KIAA1217: variants seen among roughly 807,000 people sequenced by gnomAD.
The protein encoded by KIAA1217 is sickle tail protein homolog.
KIAA1217 carries 88 observed loss-of-function variants against 163.9 expected under a neutral mutation model. That is an observed-to-expected ratio of 0.54 (90% CI 0.45 to 0.64). KIAA1217 has a LOEUF of 0.64. Ranked by LOEUF, KIAA1217 falls within the 30% of genes least tolerant of loss-of-function variation. The pLI, the probability that KIAA1217 is intolerant of heterozygous loss-of-function variation, is 0.00. For missense variants in KIAA1217, 2,372 were observed against 2,475.0 expected, an observed-to-expected ratio of 0.96 and a Z score of 0.88; for synonymous variants, 903 against 923.1, an observed-to-expected ratio of 0.98 and a Z score of 0.39.
intron 2 of KIAA1217, among the ~76,000 whole-genome samples, chr10:24,174,746 G>T (rs1459183602): frequency 6.6e-6 from 1 of 152,140 alleles, no homozygotes; most frequent in Non-Finnish European, 1.5e-5. Flanking sequence ...TAGGTTGTGG[G>T]GGAGCAGGTG....
At chr10:24,350,355 G>A (rs2048307683) in intron 2 of KIAA1217, among the ~76,000 whole-genome samples, 1 of 152,140 alleles carries the variant, frequency 6.6e-6, no homozygotes, top group Admixed American at 6.5e-5. Flanking sequence ...AGGAGGGGAG[G>A]CAGTCTGGTT....
intron 2 of KIAA1217, among the ~76,000 whole-genome samples, chr10:24,247,556 G>A (rs774867073): frequency 6.6e-5 from 10 of 152,192 alleles, no homozygotes; most frequent in Non-Finnish European, 1.2e-4. Context: ...CAGCACTTTG[G>A]GAGGCCAAGG....
chr10:24,112,588 A>T (rs551092863), intron 2 of KIAA1217, among the ~76,000 whole-genome samples: 274 of 151,190 alleles, frequency 1.8e-3, no homozygotes, highest in African/African-American at 4.0e-3. Flanking sequence ...TTTTTATTTT[A>T]TTTTATTTTT....
chr10:23,929,005 C>G (rs1358209809), intron 1 of KIAA1217, among the ~76,000 whole-genome samples: 1 of 152,114 alleles, frequency 6.6e-6, no homozygotes, highest in Admixed American at 6.6e-5. Flanking sequence ...CGTACACAAG[C>G]TTGGCATGAT....
chr10:24,231,394 C>A (rs1338900208), intron 2 of KIAA1217, among the ~76,000 whole-genome samples: 3 of 152,156 alleles, frequency 2.0e-5, no homozygotes, highest in Admixed American at 6.5e-5. Flanking sequence ...TGAGAAAAAA[C>A]CATTTTCAGA....
intron 1 of KIAA1217, among the ~76,000 whole-genome samples, chr10:23,748,645 T>C (rs1839558692): frequency 6.6e-6 from 1 of 151,880 alleles, no homozygotes; most frequent in Admixed American, 6.6e-5. Flanking sequence ...ATTTGCTTAT[T>C]TGCCTGCAAC....
chr10:23,800,926 A>G (rs1014844276), intron 1 of KIAA1217, among the ~76,000 whole-genome samples: 1 of 152,174 alleles, frequency 6.6e-6, no homozygotes, highest in African/African-American at 2.4e-5. Flanking sequence ...GCAATTTCTC[A>G]AGGATCTAGA....
chr10:24,344,366 T>C (rs933751846), intron 2 of KIAA1217, among the ~76,000 whole-genome samples: 1 of 152,230 alleles, frequency 6.6e-6, no homozygotes, highest in Non-Finnish European at 1.5e-5. Flanking sequence ...TTTTAGAATG[T>C]GGCACATCGA....
intron 1 of KIAA1217, among the ~76,000 whole-genome samples, chr10:23,766,550 CT>C (rs1834525899): frequency 6.9e-6 from 1 of 145,494 alleles, no homozygotes; most frequent in East Asian, 2.0e-4. Flanking sequence ...ATCATTCTTT[CT>C]TTTTTCTTTT....
At chr10:24,256,616 G>T (rs998945579) in intron 2 of KIAA1217, among the ~76,000 whole-genome samples, 1 of 152,172 alleles carries the variant, frequency 6.6e-6, no homozygotes, top group African/African-American at 2.4e-5. Flanking sequence ...TGAAGGAACA[G>T]AACCAACACT....
intron 1 of KIAA1217, among the ~76,000 whole-genome samples, chr10:23,926,833 A>G (rs967700402): frequency 6.6e-6 from 1 of 151,824 alleles, no homozygotes; most frequent in African/African-American, 2.4e-5. Flanking sequence ...CGATCCTTCA[A>G]TCTTTATCTC....
intron 2 of KIAA1217, among the ~76,000 whole-genome samples, chr10:24,095,286 G>A (rs1164355528): frequency 6.6e-6 from 1 of 152,158 alleles, no homozygotes; most frequent in African/African-American, 2.4e-5. Flanking sequence ...AGATGAACCT[G>A]GTACCTCAGT....
chr10:23,849,103 T>C (rs1839182505), intron 1 of KIAA1217, among the ~76,000 whole-genome samples: 1 of 152,120 alleles, frequency 6.6e-6, no homozygotes, highest in Admixed American at 6.6e-5. Flanking sequence ...AGCTAAATAC[T>C]GTTGTTGATA....
intron 2 of KIAA1217, among the ~76,000 whole-genome samples, chr10:24,269,630 G>A (rs1189173351): frequency 6.6e-6 from 1 of 152,178 alleles, no homozygotes; most frequent in Non-Finnish European, 1.5e-5. Context: ...TTCCCTCTGG[G>A]CTTACCACAC....
intron 3 of KIAA1217, among the ~76,000 whole-genome samples, chr10:24,417,370 G>T (rs891927369): frequency 6.6e-6 from 1 of 152,146 alleles, no homozygotes; most frequent in African/African-American, 2.4e-5. Flanking sequence ...AAATTTGAGT[G>T]TTCCCAAGTC....
chr10:24,147,006 TAA>T (rs755857019), intron 2 of KIAA1217, among the ~76,000 whole-genome samples: 4,868 of 110,640 alleles, frequency 0.044, 106 homozygotes, highest in African/African-American at 0.088. Context: ...TTTGTTTTGT[TAA>T]AAAAAAAAAA....
chr10:24,218,725 G>A (rs1272863013), intron 1 of KIAA1217, among the ~76,000 whole-genome samples: 6 of 152,020 alleles, frequency 3.9e-5, no homozygotes, highest in African/African-American at 1.2e-4. Flanking sequence ...TCCTGACCTC[G>A]TGATTCACCC....
At chr10:24,544,933 C>A in intron 19 of KIAA1217, 48 bp from the exon 20 acceptor site, 4 of 1,598,928 alleles carry the variant, frequency 2.5e-6, no homozygotes, top group Non-Finnish European at 3.4e-6. Context: ...AGATGACCTA[C>A]TCATGCGCTT....
intron 1 of KIAA1217, among the ~76,000 whole-genome samples, chr10:24,006,399 A>G (rs1832312): frequency 0.23 from 34,953 of 152,100 alleles, 4,924 homozygotes; most frequent in East Asian, 0.38. Flanking sequence ...AGGAGTTTAC[A>G]GAAACAAATT....
Sources: allele counts gnomAD v4.1 joint callset (sites outside exome capture counted in the v4.1 genomes callset), GRCh38; gene constraint gnomAD v4.1.1; transcripts MANE v1.5; gene names NCBI Gene and HGNC (gene_info 2026-07-23, HGNC 2026-07-21).